Variants in LCLAT1 observed in about 807,000 individuals in gnomAD.
LCLAT1 encodes the protein 1-AGP acyltransferase 8.
Under a neutral mutation model 30.7 loss-of-function variants are expected in LCLAT1, and 11 were observed. That is an observed-to-expected ratio of 0.36 (90% CI 0.23 to 0.59). The LOEUF (loss-of-function observed/expected upper bound fraction) is 0.59. LCLAT1 is among the 20% of genes least tolerant of loss of function. The probability of loss-of-function intolerance (pLI) is 0.77; values close to 1 mark genes in which losing one functional copy is unlikely to be tolerated. For synonymous variants in LCLAT1, 155 were observed against 151.3 expected, an observed-to-expected ratio of 1.02 and a Z score of -0.18; for missense variants, 402 against 458.6, an observed-to-expected ratio of 0.88 and a Z score of 1.13.
intron 5 of LCLAT1, among the ~76,000 whole-genome samples, chr2:30,571,517 T>A (rs1426224252): frequency 6.6e-6 from 1 of 152,210 alleles, no homozygotes; most frequent in East Asian, 1.9e-4. Context: ...CACAACTAGC[T>A]AACAGTCCAG....
chr2:30,614,277 C>T (rs1170618388), intron 5 of LCLAT1, among the ~76,000 whole-genome samples: 1 of 132,944 alleles, frequency 7.5e-6, no homozygotes, highest in Non-Finnish European at 1.6e-5. Context: ...TGAGTTGACA[C>T]AGCACACGTT....
At chr2:30,460,018 C>A (rs942882951) in intron 1 of LCLAT1, among the ~76,000 whole-genome samples, 2 of 152,104 alleles carry the variant, frequency 1.3e-5, no homozygotes, top group African/African-American at 4.8e-5. Context: ...AGATTAGGTA[C>A]CATTTTGTTT....
At chr2:30,483,410 A>G (rs1683410091) in intron 1 of LCLAT1, among the ~76,000 whole-genome samples, 1 of 152,240 alleles carries the variant, frequency 6.6e-6, no homozygotes, top group Non-Finnish European at 1.5e-5. Flanking sequence ...CCATCTTTAG[A>G]AAATACAACC....
chr2:30,555,992 C>T (rs1664901801), intron 3 of LCLAT1, among the ~76,000 whole-genome samples: 1 of 151,982 alleles, frequency 6.6e-6, no homozygotes, highest in Non-Finnish European at 1.5e-5. Context: ...GACGGGGTTT[C>T]ACCATGTTAG....
intron 5 of LCLAT1, among the ~76,000 whole-genome samples, chr2:30,618,092 GT>G (rs1184875942): frequency 6.6e-6 from 1 of 152,062 alleles, no homozygotes; most frequent in African/African-American, 2.4e-5. Context: ...GTGTTCATCT[GT>G]TTCTAGACTC....
At chr2:30,459,644 T>C in intron 1 of LCLAT1, 1 of 1,614,096 alleles carries the variant, frequency 6.2e-7, no homozygotes, top group Non-Finnish European at 8.5e-7. Flanking sequence ...ATTGTGGTGC[T>C]TCTGAACCCA....
At chr2:30,490,675 T>G (rs1326613811) in intron 1 of LCLAT1, among the ~76,000 whole-genome samples, 1 of 152,240 alleles carries the variant, frequency 6.6e-6, no homozygotes, top group Non-Finnish European at 1.5e-5. Context: ...TCTTAAGATT[T>G]TGAACTCATA....
chr2:30,588,520 A>C (rs1463617994), intron 5 of LCLAT1, among the ~76,000 whole-genome samples: 1 of 152,172 alleles, frequency 6.6e-6, no homozygotes, highest in African/African-American at 2.4e-5. Context: ...CCAGACTCTG[A>C]GGCCTCAAAC....
chr2:30,632,414 G>C (rs976719323), intron 5 of LCLAT1, among the ~76,000 whole-genome samples: 2 of 152,192 alleles, frequency 1.3e-5, no homozygotes, highest in African/African-American at 4.8e-5. Context: ...ATATATGCCA[G>C]ACATAATAGG....
At chr2:30,499,547 T>C (rs952395607) in intron 1 of LCLAT1, among the ~76,000 whole-genome samples, 1 of 152,200 alleles carries the variant, frequency 6.6e-6, no homozygotes, top group Non-Finnish European at 1.5e-5. Flanking sequence ...AGTTTCGTGG[T>C]CCAGAAGTTT....
chr2:30,516,515 C>G (rs1182398449), intron 1 of LCLAT1, among the ~76,000 whole-genome samples: 1 of 152,192 alleles, frequency 6.6e-6, no homozygotes, highest in Non-Finnish European at 1.5e-5. Context: ...ACACTAGTCG[C>G]TGGGTTCCAC....
intron 5 of LCLAT1, among the ~76,000 whole-genome samples, chr2:30,629,560 C>CA (rs919138393): frequency 1.3e-5 from 2 of 150,908 alleles, no homozygotes; most frequent in Non-Finnish European, 3.0e-5. Flanking sequence ...AACTCCATCT[C>CA]AAAAAACAAA....
chr2:30,497,830 A>G (rs1180828463), intron 1 of LCLAT1, among the ~76,000 whole-genome samples: 1 of 152,216 alleles, frequency 6.6e-6, no homozygotes, highest in East Asian at 1.9e-4. Context: ...ATTAGTAGAT[A>G]ACTGTCACTG....
At chr2:30,526,584 T>C (rs1685732243) in intron 2 of LCLAT1, among the ~76,000 whole-genome samples, 1 of 152,212 alleles carries the variant, frequency 6.6e-6, no homozygotes, top group South Asian at 2.1e-4. Context: ...GGCCAGTCTT[T>C]TAGGCAAAAT....
chr2:30,556,079 C>G (rs577654978), intron 3 of LCLAT1, among the ~76,000 whole-genome samples: 6 of 152,090 alleles, frequency 3.9e-5, no homozygotes, highest in African/African-American at 1.4e-4. Context: ...TAGTCGTGAG[C>G]CACCGTGACC....
chr2:30,601,661 G>GATTA (rs1321164117), intron 5 of LCLAT1, among the ~76,000 whole-genome samples: 1 of 38,298 alleles, frequency 2.6e-5, no homozygotes, highest in Non-Finnish European at 4.5e-5. Context: ...CAGATCCCAA[G>GATTA]ATTAATAGAT....
chr2:30,491,815 C>T (rs935549420), intron 1 of LCLAT1, among the ~76,000 whole-genome samples: 3 of 152,100 alleles, frequency 2.0e-5, no homozygotes, highest in Non-Finnish European at 2.9e-5. Flanking sequence ...TGTAACTGGA[C>T]TTTCAGGGGG....
At chr2:30,592,749 A>C (rs972511377) in intron 5 of LCLAT1, among the ~76,000 whole-genome samples, 1 of 152,114 alleles carries the variant, frequency 6.6e-6, no homozygotes, top group Non-Finnish European at 1.5e-5. Context: ...GTCCAATAGG[A>C]CCTGTTATTT....
At chr2:30,629,964 G>A (rs1668690856) in intron 5 of LCLAT1, among the ~76,000 whole-genome samples, 2 of 151,756 alleles carry the variant, frequency 1.3e-5, no homozygotes, top group Non-Finnish European at 2.9e-5. Context: ...TACATGTTAT[G>A]TACGTATTTG....
Sources: gnomAD v4.1 joint callset for allele counts (sites outside exome capture counted in the v4.1 genomes callset) on GRCh38, gnomAD v4.1.1 for gene constraint, MANE v1.5 for transcripts, NCBI Gene and HGNC (gene_info 2026-07-23, HGNC 2026-07-21) for gene names.